Variants in WIZ observed in about 807,000 individuals in gnomAD.
The protein encoded by WIZ is protein Wiz.
In WIZ, 25 loss-of-function variants were observed where a neutral mutation model predicts 140.2. That is an observed-to-expected ratio of 0.18 (90% CI 0.13 to 0.25). The LOEUF is 0.25. WIZ is among the 10% of genes least tolerant of loss of function. The probability of loss-of-function intolerance (pLI) is 1.00; values close to 1 mark genes in which losing one functional copy is unlikely to be tolerated. For synonymous variants in WIZ, 1,125 were observed against 1,154.3 expected, an observed-to-expected ratio of 0.97 and a Z score of 0.51; for missense variants, 2,231 against 2,632.6, an observed-to-expected ratio of 0.85 and a Z score of 3.34.
In WIZ at chr19:15,424,358, G is replaced by A. The variant is rs1330970924; in HGVS notation, c.5335C>T (p.Arg1779Cys). Residue 1779 changes from arginine (R) to cysteine (C), a missense_variant, in exon 12 of 13, where the codon CGC (arginine) becomes TGC (cysteine). Transcript: ENST00000673675. The surrounding 1 kb of genome is among the most constrained non-coding windows in gnomAD (Gnocchi z 9.7). ...NINKFERRQA[R>C]PPDASAARGG... ...CGGGCTGCGGAGGCATCTGGAGGGC[G>A]GGCTTGTCGGCGTTCAAATTCTAAG... The A allele has an allele frequency of 4.4e-6, 7 of 1,601,884 alleles. No homozygotes were observed. Among genetic ancestry groups the A allele is most frequent in the East Asian group, 2.3e-5 (1 of 43,860 alleles).
In WIZ at chr19:15,439,281, C is replaced by G. The variant is rs780039027; in HGVS notation, c.1713G>C (p.Thr571=). 2 of 1,535,184 alleles carry G rather than the reference C, an allele frequency of 1.3e-6. No homozygotes were observed. Among genetic ancestry groups the G allele is most frequent in the Non-Finnish European group, 8.7e-7 (1 of 1,146,476 alleles). ...CCAGCCTTCCGAGAGGCCTCTGGCC[C>G]GTGCCATGCAGGAGTGGCTTTGACA... ...FPLSKPLLHG[T]GQRPLGRLAF... Residue 571 remains threonine (T), a synonymous_variant, in exon 4 of 13, where the codon ACG becomes ACC. Coordinates refer to ENST00000673675, the MANE Select transcript of WIZ (RefSeq NM_001371589.1). This position sits in a 1 kb window ranked among gnomAD's most constrained non-coding sequence, Gnocchi z 7.0.
Position 15,438,698 on chromosome 19 carries a change from T to C in WIZ, c.2296A>G (p.Asn766Asp). ...CGGTTCAGGTGGCCCCGGACGTGGTTGGCCAAGCCGATGCCGTTGTGGAAG... is the reference window on the plus strand; with the variant it reads ...CGGTTCAGGTGGCCCCGGACGTGGTCGGCCAAGCCGATGCCGTTGTGGAAG... ...DRFHNGIGLA[N>D]HVRGHLNRVG... Residue 766 changes from asparagine (N) to aspartate (D), a missense_variant, in exon 4 of 13, where the codon AAC becomes GAC. This residue lies in a region of WIZ where 118 missense variants were observed against 209.1 expected (regional missense o/e 0.56). Coordinates refer to ENST00000673675, the MANE Select transcript of WIZ (RefSeq NM_001371589.1). 1 of 1,536,154 alleles carries C rather than the reference T, an allele frequency of 6.5e-7. No homozygotes were observed. The highest frequency in any genetic ancestry group is 8.7e-7 in the Non-Finnish European group (1 of 1,146,892).
intron 2 of WIZ, among the ~76,000 whole-genome samples, chr19:15,444,009 GC>G (rs1230847538): frequency 2.0e-4 from 30 of 152,320 alleles, no homozygotes; most frequent in African/African-American, 7.2e-4. Flanking sequence ...CGCCACACTT[GC>G]CTGACGTGGG....
At position 15,424,397 on chromosome 19, in the gene WIZ, C is replaced by T. The variant is rs1447472140; in HGVS notation, c.5315-19G>A. The stretch of plus-strand genomic sequence containing the variant: ...TCAAATTCTAAGGTGGAGAGGGGGA[C>T]GGGAGATGAGTGGGAGGGGTGGATG... On this transcript the variant is annotated intron_variant, in intron 11 of 12. Transcript: ENST00000673675. This position sits in a 1 kb window ranked among gnomAD's most constrained non-coding sequence, Gnocchi z 9.7. The T allele has an allele frequency of 9.4e-6, 15 of 1,594,786 alleles. No homozygotes were observed. The highest frequency in any genetic ancestry group is 8.9e-5 in the South Asian group (8 of 89,656).
At chr19:15,434,585 C>A (rs1376763051) in intron 5 of WIZ, among the ~76,000 whole-genome samples, 163 of 124,044 alleles carry the variant, frequency 1.3e-3, no homozygotes, top group Middle Eastern at 4.3e-3. Flanking sequence ...GACTCCATCT[C>A]AAAAAAAAAA....
At position 15,440,639 on chromosome 19, in the gene WIZ, G is replaced by A; in HGVS notation, c.355C>T (p.Pro119Ser). The change falls in exon 4 of 13, where the codon CCT becomes TCT. Residue 119 changes from proline (P) to serine (S), a missense_variant. Coordinates refer to ENST00000673675, the MANE Select transcript of WIZ (RefSeq NM_001371589.1). This position sits in a 1 kb window ranked among gnomAD's most constrained non-coding sequence, Gnocchi z 6.2. ...PHLLGHFPGTPDGRGPWEHPL... is the reference protein window; with the variant it reads ...PHLLGHFPGTSDGRGPWEHPL... ...TGCTCCCAGGGCCCCCGGCCATCAG[G>A]GGTACCTGGGAAATGGCCCAGGAGA... 5 of 1,529,936 alleles carry A rather than the reference G, an allele frequency of 3.3e-6. No homozygotes were observed. The highest frequency in any genetic ancestry group is 4.4e-6 in the Non-Finnish European group (5 of 1,142,008). The allele number at this position is 1,529,936 out of a possible 1,614,324, so 94.8% of individuals were successfully genotyped here.
At position 15,423,288 on chromosome 19, in the gene WIZ, A is replaced by G. The variant is rs778661874; in HGVS notation, c.5511-53T>C. 4 of 1,591,250 alleles carry G rather than the reference A, an allele frequency of 2.5e-6. No individual in the cohort carries two copies. In the Admixed American group the frequency reaches 5.2e-5, roughly 21 times the overall value. The stretch of plus-strand genomic sequence containing the variant: ...GGCCAGTGCTGTGAGGAGAGGCGGA[A>G]GCATAGCCTTGCCAGCATCCCTGGG... On this transcript the variant is annotated intron_variant, in intron 12 of 12. Coordinates refer to ENST00000673675, the MANE Select transcript of WIZ (RefSeq NM_001371589.1).
intron 4 of WIZ, among the ~76,000 whole-genome samples, chr19:15,437,990 C>T (rs112375313): frequency 1.3e-5 from 2 of 152,096 alleles, no homozygotes; most frequent in African/African-American, 4.8e-5. Context: ...ACCCCTAGTG[C>T]GTAGACACAC....
intron 2 of WIZ, among the ~76,000 whole-genome samples, chr19:15,443,165 G>T (rs1969802623): frequency 6.6e-6 from 1 of 152,200 alleles, no homozygotes; most frequent in Non-Finnish European, 1.5e-5. Context: ...TCTGCCTCCT[G>T]GGTTCAAGCG....
chr19:15,444,246 T>C (rs1250925941), intron 2 of WIZ, among the ~76,000 whole-genome samples: 2 of 151,694 alleles, frequency 1.3e-5, no homozygotes, highest in Non-Finnish European at 2.9e-5. Flanking sequence ...GGGATAAAAG[T>C]GGAGGTAGGG....
At chr19:15,446,143 C>T (rs1969911470) in intron 2 of WIZ, among the ~76,000 whole-genome samples, 1 of 152,158 alleles carries the variant, frequency 6.6e-6, no homozygotes, top group South Asian at 2.1e-4. Flanking sequence ...GGCCTGGCCC[C>T]CCTCAGCAGC....
At chr19:15,430,897 A>C in intron 6 of WIZ, 115 bp downstream of exon 6, 1 of 1,321,262 alleles carries the variant, frequency 7.6e-7, no homozygotes, top group African/African-American at 1.5e-5. Flanking sequence ...TCAAGGTGCC[A>C]GAGGGAAAAC....
At position 15,422,636 on chromosome 19, in the gene WIZ, T is replaced by G; in HGVS notation, c.*440A>C. The stretch of plus-strand genomic sequence containing the variant: ...CAGGTCCCGGGTCTCACGAGGTGCG[T>G]GTTGTGTGTGTTCGCATGTACATGT... On this transcript the variant is annotated 3_prime_UTR_variant, in exon 13 of 13. Coordinates refer to ENST00000673675, the MANE Select transcript of WIZ (RefSeq NM_001371589.1). The G allele has an allele frequency of 6.1e-6, 1 of 163,312 alleles. No homozygotes were observed. The highest frequency in any genetic ancestry group is 1.3e-5 in the Non-Finnish European group (1 of 75,086). 10.1% of individuals were successfully genotyped at this position (163,312 alleles called of 1,614,324 possible). A position where few individuals can be genotyped will look rare whatever the true frequency, so the allele number is the denominator to read the frequency against.
chr19:15,422,964 G>GT lies in WIZ; in HGVS notation c.*111dup. The GT allele has an allele frequency of 6.8e-7, 1 of 1,480,832 alleles. No individual in the cohort carries two copies. 91.7% of individuals were successfully genotyped at this position (1,480,832 alleles called of 1,614,324 possible). On this transcript the variant is annotated 3_prime_UTR_variant, in exon 13 of 13. Coordinates refer to ENST00000673675, the MANE Select transcript of WIZ (RefSeq NM_001371589.1). ...GGCCCCCAAGGGGCGCCGGTTTGAG[G>GT]TTTTGGCTTGCTCCTTTGGAAACGG...
In WIZ at chr19:15,424,571, G is replaced by C. The variant is rs905906357; in HGVS notation, c.5314+42C>G. 1.3e-6 allele frequency: 2 copies of C among 1,548,932 alleles called. No homozygotes were observed. Among genetic ancestry groups the C allele is most frequent in the Non-Finnish European group, 1.7e-6 (2 of 1,154,610 alleles). On this transcript the variant is annotated intron_variant, in intron 11 of 12. Transcript: ENST00000673675. This position sits in a 1 kb window ranked among gnomAD's most constrained non-coding sequence, Gnocchi z 9.7. ...GGGGAGTGGCTGGGTGGGCCTGACA[G>C]GTGCCCGCTGCGCTCCCGACCCTCC... is the stretch of plus-strand genomic sequence containing the variant.
Position 15,439,991 on chromosome 19 carries a change from T to G in WIZ, c.1003A>C (p.Ser335Arg), listed in dbSNP as rs768193676. Residue 335 changes from serine (S) to arginine (R), a missense_variant, in exon 4 of 13, where the codon AGC becomes CGC. By Grantham distance (110) the Ser-to-Arg change is moderately radical (BLOSUM62 -1). Coordinates refer to ENST00000673675, the MANE Select transcript of WIZ (RefSeq NM_001371589.1). The surrounding 1 kb of genome is among the most constrained non-coding windows in gnomAD (Gnocchi z 7.0). The part of the protein sequence containing the change: ...KQKEHLLEHM[S>R]QHRRAPGQEP... ...TGGCCCGGGGCTCGGCGGTGCTGGCTCATGTGCTCCAGGAGGTGCTCCTTC... is the reference window on the plus strand; with the variant it reads ...TGGCCCGGGGCTCGGCGGTGCTGGCGCATGTGCTCCAGGAGGTGCTCCTTC... 3.3e-6 allele frequency: 5 copies of G among 1,535,590 alleles called. No homozygotes were observed. In the South Asian group the frequency reaches 5.9e-5, roughly 18 times the overall value.
chr19:15,443,100 C>G (rs1232814965), intron 2 of WIZ, among the ~76,000 whole-genome samples: 1 of 152,326 alleles, frequency 6.6e-6, no homozygotes, highest in South Asian at 2.1e-4. Flanking sequence ...GAGACGGAGT[C>G]TTGCTCTGTT....
chr19:15,427,089 C>A lies in WIZ; in HGVS notation c.4259G>T (p.Arg1420Leu). 1 of 1,614,190 alleles carries A rather than the reference C, an allele frequency of 6.2e-7. No homozygotes were observed. Residue 1420 changes from arginine to leucine, a missense_variant, in exon 9 of 13, where the codon CGG (arginine) becomes CTG (leucine). Arg to Leu is a moderately radical substitution (Grantham distance 102, BLOSUM62 -2). Coordinates refer to ENST00000673675, the MANE Select transcript of WIZ (RefSeq NM_001371589.1). This position sits in a 1 kb window ranked among gnomAD's most constrained non-coding sequence, Gnocchi z 6.4. Reference protein sequence around the residue: ...LPKKLKPEQIRVEIKREMLPG... With the variant: ...LPKKLKPEQILVEIKREMLPG... ...CAGCATCTCCCGCTTGATCTCCACC[C>A]GTATTTGTTCAGGCTTCAGCTTCTT... is the stretch of plus-strand genomic sequence containing the variant.
rs1383244420 is a variant in WIZ, at chr19:15,427,679, G to T, written c.3815-146C>A. Reference sequence around the variant, plus strand: ...GGGCAGGTGCAGGTAAGGGAGTGGAGGAGCGGGGCTGGGGGCCAGATACCC... The same window carrying T: ...GGGCAGGTGCAGGTAAGGGAGTGGATGAGCGGGGCTGGGGGCCAGATACCC... On this transcript the variant is annotated intron_variant, in intron 8 of 12. Transcript: ENST00000673675. The surrounding 1 kb of genome is among the most constrained non-coding windows in gnomAD (Gnocchi z 6.4). 5.4e-6 allele frequency: 5 copies of T among 928,404 alleles called. No individual in the cohort carries two copies. The highest frequency in any genetic ancestry group is 1.7e-5 in the African/African-American group (1 of 59,848). The allele number at this position is 928,404 out of a possible 1,614,324, so 57.5% of individuals were successfully genotyped here. A position where few individuals can be genotyped will look rare whatever the true frequency, so the allele number is the denominator to read the frequency against.
Sources: gnomAD v4.1 joint callset for allele counts (sites outside exome capture counted in the v4.1 genomes callset) on GRCh38, gnomAD v4.1.1 for gene constraint, gnomAD v4.1.1 regional missense constraint, Gnocchi (gnomAD v3.1) non-coding constraint, MANE v1.5 for transcripts, NCBI Gene and HGNC (gene_info 2026-07-23, HGNC 2026-07-21) for gene names.